ALK: variants seen among roughly 807,000 people sequenced by gnomAD.
The protein encoded by ALK is ALK tyrosine kinase receptor.
ALK carries 74 observed loss-of-function variants against 163.1 expected under a neutral mutation model. The observed-to-expected ratio is 0.45, with a 90% CI of 0.38 to 0.55. The LOEUF is 0.55. ALK is among the 20% of genes least tolerant of loss of function. The pLI is 0.00. For synonymous variants in ALK, 960 were observed against 843.2 expected, an observed-to-expected ratio of 1.14 and a Z score of -2.40; for missense variants, 2,063 against 2,105.3, an observed-to-expected ratio of 0.98 and a Z score of 0.39.
chr2:29,358,913 T>C (rs1668320746), intron 5 of ALK, among the ~76,000 whole-genome samples: 1 of 152,174 alleles, frequency 6.6e-6, no homozygotes, highest in Non-Finnish European at 1.5e-5. Context: ...AAATGATTAA[T>C]AAATGTTTGG....
At chr2:29,759,011 G>C (rs1166414914) in intron 1 of ALK, among the ~76,000 whole-genome samples, 1 of 151,992 alleles carries the variant, frequency 6.6e-6, no homozygotes, top group African/African-American at 2.4e-5. Flanking sequence ...CTTCACTTTG[G>C]ACATAATGAA....
intron 4 of ALK, among the ~76,000 whole-genome samples, chr2:29,419,226 T>C (rs1173425727): frequency 1.3e-5 from 2 of 151,242 alleles, no homozygotes; most frequent in Non-Finnish European, 2.9e-5. Flanking sequence ...GGCTAATTTT[T>C]GTATTTTTAG....
chr2:29,814,706 C>T (rs1664850830), intron 1 of ALK, among the ~76,000 whole-genome samples: 1 of 151,912 alleles, frequency 6.6e-6, no homozygotes, highest in Non-Finnish European at 1.5e-5. Context: ...GTCAGGCATG[C>T]CTAAGCCTGA....
In ALK at chr2:29,831,232, A is replaced by C; in HGVS notation, c.667+88761T>G. ...AAGAGGAAGAGGAAGAGGAAGAAGA[A>C]GAGGAAGAAGAAGAGGAAGAGGAAG... On this transcript the variant is annotated intron_variant, in intron 1 of 28. Transcript: ENST00000389048. Among the ~76,000 whole-genome samples, 3 of 86,558 alleles carry C rather than the reference A, an allele frequency of 3.5e-5. 1 individual carries two copies. Among genetic ancestry groups the C allele is most frequent in the African/African-American group, 1.4e-4 (3 of 22,066 alleles). The allele number at this position is 86,558 out of a possible 152,430, so 56.8% of individuals were successfully genotyped here.
chr2:29,299,046 C>T (rs1430108699), intron 8 of ALK, among the ~76,000 whole-genome samples: 1 of 152,236 alleles, frequency 6.6e-6, no homozygotes, highest in African/African-American at 2.4e-5. Context: ...ACATCTTGAA[C>T]AGCTGGGATG....
chr2:29,684,309 A>G (rs956811022), intron 3 of ALK, among the ~76,000 whole-genome samples: 1 of 152,190 alleles, frequency 6.6e-6, no homozygotes, highest in Non-Finnish European at 1.5e-5. Flanking sequence ...TTTATAGATG[A>G]TCTAGTCCCA....
chr2:29,361,087 G>GTCTC (rs1668377898), intron 5 of ALK, among the ~76,000 whole-genome samples: 1 of 152,190 alleles, frequency 6.6e-6, no homozygotes, highest in South Asian at 2.1e-4. Context: ...TTTTTGGGGC[G>GTCTC]TCTCTCTCAG....
intron 13 of ALK, among the ~76,000 whole-genome samples, chr2:29,236,470 C>A (rs1319997745): frequency 6.6e-6 from 1 of 152,180 alleles, no homozygotes; most frequent in Non-Finnish European, 1.5e-5. Flanking sequence ...TGAGTACCTA[C>A]TTTGTGCCAT....
chr2:29,566,729 T>A (rs1050290574), intron 3 of ALK, among the ~76,000 whole-genome samples: 1 of 152,214 alleles, frequency 6.6e-6, no homozygotes, highest in Admixed American at 6.5e-5. Flanking sequence ...TGGCAAAAGA[T>A]AATTGGAAAC....
intron 1 of ALK, among the ~76,000 whole-genome samples, chr2:29,732,742 T>C (rs968937951): frequency 2.0e-5 from 3 of 152,114 alleles, no homozygotes; most frequent in Admixed American, 2.0e-4. Flanking sequence ...CCCTCACCCC[T>C]TCCACCATGT....
intron 3 of ALK, among the ~76,000 whole-genome samples, chr2:29,623,405 G>T (rs1049159223): frequency 1.3e-5 from 2 of 152,154 alleles, no homozygotes; most frequent in African/African-American, 4.8e-5. Context: ...ATGTGGAAAA[G>T]AATTATGATA....
At chr2:29,794,875 G>C (rs996959982) in intron 1 of ALK, among the ~76,000 whole-genome samples, 1 of 152,076 alleles carries the variant, frequency 6.6e-6, no homozygotes, top group African/African-American at 2.4e-5. Context: ...ATGTGACACA[G>C]AGACATGAAG....
chr2:29,389,499 C>T (rs1161029452), intron 4 of ALK, among the ~76,000 whole-genome samples: 2 of 152,196 alleles, frequency 1.3e-5, no homozygotes, highest in Non-Finnish European at 2.9e-5. Flanking sequence ...TTGGCCTCTA[C>T]AGGAAGGATG....
At chr2:29,464,711 C>G (rs1671166619) in intron 4 of ALK, among the ~76,000 whole-genome samples, 1 of 152,046 alleles carries the variant, frequency 6.6e-6, no homozygotes, top group Admixed American at 6.6e-5. Flanking sequence ...TTTTTGTTGT[C>G]AGAAATGAGG....
intron 3 of ALK, among the ~76,000 whole-genome samples, chr2:29,569,830 A>G (rs1158267182): frequency 2.0e-5 from 3 of 152,114 alleles, no homozygotes; most frequent in Admixed American, 1.3e-4. Flanking sequence ...GGAACCCCAC[A>G]TCCACTCTAG....
chr2:29,636,892 T>C (rs1249271394), intron 3 of ALK, among the ~76,000 whole-genome samples: 4 of 152,214 alleles, frequency 2.6e-5, no homozygotes, highest in Non-Finnish European at 5.9e-5. Context: ...CACACTGAGC[T>C]ATCACCTCAC....
At chr2:29,526,365 C>T (rs1672960151) in intron 4 of ALK, among the ~76,000 whole-genome samples, 2 of 152,214 alleles carry the variant, frequency 1.3e-5, no homozygotes, top group Admixed American at 6.5e-5. Context: ...GCTCAGAGAA[C>T]TTCGAGCTAC....
rs187208535 is a variant in ALK at position 29,208,732 on chromosome 2, T to C, written c.3836+1054A>G. Among the ~76,000 whole-genome samples, 17 of 152,110 alleles carry C rather than the reference T, an allele frequency of 1.1e-4. No homozygotes were observed. The East Asian group carries it at 3.3e-3, about 30-fold the overall frequency. On this transcript the variant is annotated intron_variant, in intron 25 of 28. Transcript: ENST00000389048. Reference sequence around the variant, plus strand: ...TTCCCCAAAGAGTTAAAGCTCCATATAACGATTGCTCCTCTCTCTACCCCT... The same window carrying C: ...TTCCCCAAAGAGTTAAAGCTCCATACAACGATTGCTCCTCTCTCTACCCCT...
At chr2:29,398,889 C>T (rs748755262) in intron 4 of ALK, among the ~76,000 whole-genome samples, 4 of 152,168 alleles carry the variant, frequency 2.6e-5, no homozygotes, top group Non-Finnish European at 5.9e-5. Flanking sequence ...TGATTCAAAG[C>T]GCTGGTGGCC....
Sources: allele counts gnomAD v4.1 joint callset (sites outside exome capture counted in the v4.1 genomes callset), GRCh38; gene constraint gnomAD v4.1.1; transcripts MANE v1.5; gene names NCBI Gene and HGNC (gene_info 2026-07-23, HGNC 2026-07-21).